COL19A1: variants seen among roughly 807,000 people sequenced by gnomAD.
COL19A1 encodes collagen alpha-1(XIX) chain.
COL19A1 carries 159 observed loss-of-function variants against 190.2 expected under a neutral mutation model. The ratio of observed to expected loss-of-function variants is 0.84; its 90% confidence interval spans 0.73 to 0.95. The LOEUF is 0.95. COL19A1 is among the 40% of genes least tolerant of loss of function. The probability of loss-of-function intolerance (pLI) is 0.00; values close to 1 mark genes in which losing one functional copy is unlikely to be tolerated. For missense variants in COL19A1, 1,418 were observed against 1,431.9 expected, an observed-to-expected ratio of 0.99 and a Z score of 0.16; for synonymous variants, 509 against 458.9, an observed-to-expected ratio of 1.11 and a Z score of -1.39.
chr6:70,112,117 T>C (rs3806030), intron 16 of COL19A1, among the ~76,000 whole-genome samples: 19,012 of 152,142 alleles, frequency 0.12, 1,486 homozygotes, highest in Admixed American at 0.22. Flanking sequence ...GCCTGTGGGG[T>C]CCATGTAAGC....
At chr6:69,903,986 G>A (rs1250254737) in intron 4 of COL19A1, among the ~76,000 whole-genome samples, 1 of 152,176 alleles carries the variant, frequency 6.6e-6, no homozygotes, top group Admixed American at 6.5e-5. Flanking sequence ...CACTGTGAAA[G>A]TCCATTGTCA....
intron 14 of COL19A1, among the ~76,000 whole-genome samples, chr6:70,067,072 A>G (rs1350125533): frequency 6.6e-6 from 1 of 152,168 alleles, no homozygotes; most frequent in Non-Finnish European, 1.5e-5. Context: ...CATTACATGA[A>G]TAATCACTTA....
intron 48 of COL19A1, among the ~76,000 whole-genome samples, chr6:70,197,423 A>C (rs2150304425): frequency 6.6e-6 from 1 of 152,196 alleles, no homozygotes; most frequent in East Asian, 1.9e-4. Flanking sequence ...ACTCTATCTC[A>C]AAAAAGAAAA....
chr6:69,925,026 T>C (rs1772262925), intron 4 of COL19A1, among the ~76,000 whole-genome samples: 1 of 152,212 alleles, frequency 6.6e-6, no homozygotes, highest in Admixed American at 6.5e-5. Flanking sequence ...TTTCTCTGAT[T>C]CTGTAGGTTG....
intron 34 of COL19A1, among the ~76,000 whole-genome samples, chr6:70,159,689 G>A (rs931217766): frequency 6.6e-6 from 1 of 152,112 alleles, no homozygotes; most frequent in Non-Finnish European, 1.5e-5. Flanking sequence ...ACTTGATCCA[G>A]CTCACAGTCC....
chr6:69,866,887 A>C lies in COL19A1; in HGVS notation c.-33+247A>C, dbSNP rs984775082. Among the ~76,000 whole-genome samples, 12 of 152,302 alleles carry C rather than the reference A, an allele frequency of 7.9e-5. 1 individual carries two copies. Among genetic ancestry groups the C allele is most frequent in the Admixed American group, 2.0e-4 (3 of 15,302 alleles). Reference sequence around the variant, plus strand: ...CGGCCACTCTCATGTGGTACATACCATGTAGTTCGTGTTCCTATGTTCACA... The same window carrying C: ...CGGCCACTCTCATGTGGTACATACCCTGTAGTTCGTGTTCCTATGTTCACA... On this transcript the variant is annotated intron_variant, in intron 1 of 50. Coordinates refer to ENST00000620364, the MANE Select transcript of COL19A1 (RefSeq NM_001858.6).
chr6:69,929,700 T>C lies in COL19A1; in HGVS notation c.666T>C (p.Asp222=). The change falls in exon 6 of 51, where the codon GAT becomes GAC. Residue 222 remains aspartate (D), a splice_region_variant and synonymous_variant. Transcript: ENST00000620364. ...ATRASDGKPV[D]IELHQLKIYC... is the part of the protein sequence containing the mutation. Reference sequence around the variant, plus strand: ...GAGCTTCAGATGGCAAGCCTGTGGATGTAAGTTGTGATGTTAGTTGTGAAA... The same window carrying C: ...GAGCTTCAGATGGCAAGCCTGTGGACGTAAGTTGTGATGTTAGTTGTGAAA... 6.2e-7 allele frequency: 1 copy of C among 1,608,880 alleles called. No homozygotes were observed. Among genetic ancestry groups the C allele is most frequent in the Non-Finnish European group, 8.5e-7 (1 of 1,176,930 alleles).
At chr6:69,939,451 G>A (rs1206962557) in intron 9 of COL19A1, among the ~76,000 whole-genome samples, 1 of 151,996 alleles carries the variant, frequency 6.6e-6, no homozygotes, top group African/African-American at 2.4e-5. Flanking sequence ...AAGCTTAGGG[G>A]GGTTAAATTA....
At chr6:70,182,483 C>T (rs1317641485) in intron 44 of COL19A1, among the ~76,000 whole-genome samples, 9 of 152,036 alleles carry the variant, frequency 5.9e-5, no homozygotes, top group Admixed American at 5.9e-4. Flanking sequence ...ATTGGTGAGA[C>T]CAATTAGGGT....
At chr6:69,930,179 G>A (rs564433783) in intron 6 of COL19A1, among the ~76,000 whole-genome samples, 8 of 152,002 alleles carry the variant, frequency 5.3e-5, no homozygotes, top group African/African-American at 1.9e-4. Flanking sequence ...TGGTTTTTCA[G>A]GGTTCTATTG....
chr6:70,181,033 A>C (rs1188459625), intron 44 of COL19A1, among the ~76,000 whole-genome samples: 9 of 152,226 alleles, frequency 5.9e-5, no homozygotes, highest in Admixed American at 5.9e-4. Context: ...TATTGATGTG[A>C]CATTGTAACA....
At chr6:69,878,761 A>C (rs956820940) in intron 1 of COL19A1, among the ~76,000 whole-genome samples, 1 of 152,342 alleles carries the variant, frequency 6.6e-6, no homozygotes, top group Non-Finnish European at 1.5e-5. Flanking sequence ...ATCCATGTTC[A>C]TAGTAGTAGT....
At position 69,929,484 on chromosome 6, in the gene COL19A1, G is replaced by A. The variant is rs765185152; in HGVS notation, c.450G>A (p.Glu150=). 1.9e-6 allele frequency: 3 copies of A among 1,613,980 alleles called. No individual in the cohort carries two copies. The highest frequency in any genetic ancestry group is 1.7e-6 in the Non-Finnish European group (2 of 1,179,942). ...KVVEFMFQAT[E]GDVLNYIFRN... ...TGGAATTTATGTTTCAAGCCACAGA[G>A]GGAGATGTGTTGAACTACATTTTTA... is the stretch of plus-strand genomic sequence containing the variant. The change falls in exon 6 of 51, where the codon GAG becomes GAA. Residue 150 remains glutamate (E), a synonymous_variant. Transcript: ENST00000620364.
intron 41 of COL19A1, among the ~76,000 whole-genome samples, chr6:70,173,349 G>A (rs1765607871): frequency 6.6e-6 from 1 of 152,180 alleles, no homozygotes; most frequent in South Asian, 2.1e-4. Flanking sequence ...TGCCAATAGA[G>A]TTTTTAGAAA....
chr6:69,881,218 T>G (rs1016890344), intron 2 of COL19A1, among the ~76,000 whole-genome samples: 1 of 152,222 alleles, frequency 6.6e-6, no homozygotes, highest in Non-Finnish European at 1.5e-5. Flanking sequence ...TGAGGAAAAC[T>G]CTTAGAGAAA....
At chr6:70,036,951 T>G (rs1338956876) in intron 14 of COL19A1, among the ~76,000 whole-genome samples, 1 of 152,164 alleles carries the variant, frequency 6.6e-6, no homozygotes, top group Non-Finnish European at 1.5e-5. Context: ...CACAAATAAT[T>G]GTTACAACTC....
At chr6:70,044,263 CT>C (rs1371651730) in intron 14 of COL19A1, among the ~76,000 whole-genome samples, 1 of 152,200 alleles carries the variant, frequency 6.6e-6, no homozygotes, top group Non-Finnish European at 1.5e-5. Flanking sequence ...TTATCCAGAT[CT>C]TTAAGTCTTT....
intron 15 of COL19A1, among the ~76,000 whole-genome samples, chr6:70,070,448 T>C (rs913146827): frequency 3.3e-5 from 5 of 152,136 alleles, no homozygotes; most frequent in African/African-American, 7.2e-5. Context: ...ATAGAACTTA[T>C]AGACACTTTT....
At position 70,207,369 on chromosome 6, in the gene COL19A1, T is replaced by TC. The variant is rs1767956360; in HGVS notation, c.*95_*96insC. On this transcript the variant is annotated 3_prime_UTR_variant, in exon 51 of 51. Coordinates refer to ENST00000620364, the MANE Select transcript of COL19A1 (RefSeq NM_001858.6). ...CCCTCATCATCTGTGGGTTGCTTTTTTTTTTTTTTTTTTTTTTTGGGAGTA... is the reference window on the plus strand; with the variant it reads ...CCCTCATCATCTGTGGGTTGCTTTTTCTTTTTTTTTTTTTTTTTTGGGAGTA... 9.2e-7 allele frequency: 1 copy of TC among 1,092,740 alleles called. No homozygotes were observed. The highest frequency in any genetic ancestry group is 3.1e-5 in the Admixed American group (1 of 32,772). 67.7% of individuals were successfully genotyped at this position (1,092,740 alleles called of 1,614,324 possible). A position where few individuals can be genotyped will look rare whatever the true frequency, so the allele number is the denominator to read the frequency against.
Sources: allele counts gnomAD v4.1 joint callset (sites outside exome capture counted in the v4.1 genomes callset), GRCh38; gene constraint gnomAD v4.1.1; transcripts MANE v1.5; gene names NCBI Gene and HGNC (gene_info 2026-07-23, HGNC 2026-07-21).